The following FBXO25 variants were observed in gnomAD, a reference collection of about 807,000 sequenced individuals.
FBXO25 encodes F-box only protein 25.
In FBXO25, 45 loss-of-function variants were observed where a neutral mutation model predicts 51.9. That is an observed-to-expected ratio of 0.87 (90% CI 0.68 to 1.11). The LOEUF (loss-of-function observed/expected upper bound fraction) is 1.11, where lower values mean the gene tolerates loss of function less well. Among genes scored for constraint, FBXO25 ranks in the 50% most tolerant of loss-of-function variants. FBXO25 has a pLI of 0.00. For synonymous variants in FBXO25, 199 were observed against 151.0 expected (o/e 1.32, Z -2.33); for missense variants, 507 against 428.5 (o/e 1.18, Z -1.62).
rs1184117816 is a variant in FBXO25 at position 473,681 on chromosome 8, G to C, written c.*4877G>C. 1 of 152,156 alleles carries C rather than the reference G, an allele frequency of 6.6e-6. No individual in the cohort carries two copies. Among genetic ancestry groups the C allele is most frequent in the East Asian group, 1.9e-4 (1 of 5,166 alleles). 9.4% of individuals were successfully genotyped at this position (152,156 alleles called of 1,614,324 possible). On this transcript the variant is annotated 3_prime_UTR_variant, in exon 10 of 10. Transcript: ENST00000350302. ...CTGGTGCCACAGGGGTCCTGGGCTG[G>C]CTCTTGGACCATAACCAGCGTTCAC...
At chr8:468,026 C>T (rs541880905) in intron 9 of FBXO25, 2 of 1,297,582 alleles carry the variant, frequency 1.5e-6, no homozygotes, top group Non-Finnish European at 2.0e-6. Flanking sequence ...GGTTTGGCAG[C>T]ACTGCCAGGG....
chr8:442,289 T>TA (rs1054867298), intron 5 of FBXO25, among the ~76,000 whole-genome samples: 4 of 78,924 alleles, frequency 5.1e-5, no homozygotes, highest in South Asian at 3.0e-4. Flanking sequence ...CTCCAATTAT[T>TA]TTTTTTTTTT....
intron 7 of FBXO25, 86 bp from the exon 8 acceptor site, chr8:458,283 C>G: frequency 7.0e-7 from 1 of 1,427,346 alleles, no homozygotes; most frequent in Non-Finnish European, 9.7e-7. Context: ...TGTTTTGAAG[C>G]ATTCATTCCA....
At position 469,219 on chromosome 8, in the gene FBXO25, T is replaced by G. The variant is rs1800389674; in HGVS notation, c.*415T>G. On this transcript the variant is annotated 3_prime_UTR_variant, in exon 10 of 10. Transcript: ENST00000350302. Reference sequence around the variant, plus strand: ...TGGGTTACAAAACATTTGATCCTTGTAAATACATTGTACAGAATATTTATT... The same window carrying G: ...TGGGTTACAAAACATTTGATCCTTGGAAATACATTGTACAGAATATTTATT... 1 of 162,080 alleles carries G rather than the reference T, an allele frequency of 6.2e-6. No homozygotes were observed. The highest frequency in any genetic ancestry group is 6.3e-5 in the Admixed American group (1 of 15,892). 10.0% of individuals were successfully genotyped at this position (162,080 alleles called of 1,614,324 possible).
intron 2 of FBXO25, among the ~76,000 whole-genome samples, chr8:421,282 C>T (rs938965376): frequency 1.3e-5 from 2 of 152,210 alleles, no homozygotes; most frequent in African/African-American, 4.8e-5. Context: ...CCCCTCCTCG[C>T]CCCAGTCTGT....
At position 437,357 on chromosome 8, in the gene FBXO25, A is replaced by G. The variant is rs532482508; in HGVS notation, c.381+1650A>G. Reference sequence around the variant, plus strand: ...GAGCGAGGGAACTGGTGAGCTCAGGAAGCAAAAGGGCTGCAGTGTTGCATG... The same window carrying G: ...GAGCGAGGGAACTGGTGAGCTCAGGGAGCAAAAGGGCTGCAGTGTTGCATG... On this transcript the variant is annotated intron_variant, in intron 5 of 9. Coordinates refer to ENST00000350302, the MANE Select transcript of FBXO25 (RefSeq NM_183420.2). 7.2e-4 allele frequency among the ~76,000 whole-genome samples: 109 copies of G among 152,318 alleles called. 2 individuals are homozygous for G. In the Middle Eastern group the frequency reaches 0.01, roughly 14 times the overall value.
chr8:456,310 G>C (rs1401244928), intron 7 of FBXO25, among the ~76,000 whole-genome samples: 1 of 152,154 alleles, frequency 6.6e-6, no homozygotes, highest in East Asian at 1.9e-4. Flanking sequence ...CCTGGGCTCA[G>C]GTGATCCTCC....
rs1226151606 is a variant in FBXO25, at chr8:474,983, T to A, written c.*6179T>A. ...TTGTTCTTTGATGTACAGAAGTTGT[T>A]TCTTTCTTTTAGTTACCTGTGTGTG... On this transcript the variant is annotated 3_prime_UTR_variant, in exon 10 of 10. Transcript: ENST00000350302. 8 of 399,592 alleles carry A rather than the reference T, an allele frequency of 2.0e-5. No individual in the cohort carries two copies. The East Asian group carries it at 4.9e-4, about 25-fold the overall frequency. The allele number at this position is 399,592 out of a possible 1,614,324, so 24.8% of individuals were successfully genotyped here.
chr8:420,627 C>T (rs1353441443), intron 2 of FBXO25, among the ~76,000 whole-genome samples: 3 of 152,206 alleles, frequency 2.0e-5, no homozygotes, highest in Non-Finnish European at 4.4e-5. Flanking sequence ...TATTAATTCG[C>T]ACAACATGGA....
At chr8:454,336 C>T (rs1799278781) in intron 7 of FBXO25, among the ~76,000 whole-genome samples, 1 of 152,222 alleles carries the variant, frequency 6.6e-6, no homozygotes, top group South Asian at 2.1e-4. Flanking sequence ...CTCTGTGACT[C>T]AGTGAGAGCA....
At position 428,432 on chromosome 8, in the gene FBXO25, G is replaced by A. The variant is rs1339310782; in HGVS notation, c.135-2909G>A. Among the ~76,000 whole-genome samples the A allele has an allele frequency of 4.3e-5, 6 of 138,344 alleles. No individual in the cohort carries two copies. The South Asian group carries it at 6.9e-4, about 16-fold the overall frequency. 90.8% of individuals were successfully genotyped at this position (138,344 alleles called of 152,430 possible). A position where few individuals can be genotyped will look rare whatever the true frequency, so the allele number is the denominator to read the frequency against. ...CTATTCTTTGTTTTTAACACTTCCC[G>A]CCCCCACCCCATCCCTCGGACATGC... On this transcript the variant is annotated intron_variant, in intron 2 of 9. Transcript: ENST00000350302.
In FBXO25 at chr8:476,198, C is replaced by T. The variant is rs1175806753; in HGVS notation, c.*7394C>T. 6.6e-6 allele frequency: 1 copy of T among 152,116 alleles called. No individual in the cohort carries two copies. The highest frequency in any genetic ancestry group is 1.5e-5 in the Non-Finnish European group (1 of 68,032). The allele number at this position is 152,116 out of a possible 1,614,324, so 9.4% of individuals were successfully genotyped here. A position where few individuals can be genotyped will look rare whatever the true frequency, so the allele number is the denominator to read the frequency against. ...ACTTGAGCATGTTGAAACATCTTTG[C>T]ATACCAGCTGTAAATCTTACTTGGC... On this transcript the variant is annotated 3_prime_UTR_variant, in exon 10 of 10. Transcript: ENST00000350302.
In FBXO25 at chr8:458,373, T is replaced by G; in HGVS notation, c.665T>G (p.Val222Gly). 6.2e-7 allele frequency: 1 copy of G among 1,612,504 alleles called. No individual in the cohort carries two copies. The highest frequency in any genetic ancestry group is 8.5e-7 in the Non-Finnish European group (1 of 1,179,378). ...QLQDLQMTKQ[V>G]NNGLTLSDLP... The stretch of plus-strand genomic sequence containing the variant: ...GCTGTTGTGTTTTCCTTTCAGCAAG[T>G]GAACAATGGCCTCACCCTCAGTGAC... The change falls in exon 8 of 10, where the codon GTG becomes GGG. Residue 222 changes from valine to glycine, a missense_variant. By Grantham distance (109) the Val-to-Gly change is moderately radical (BLOSUM62 -3). Transcript: ENST00000350302.
intron 2 of FBXO25, among the ~76,000 whole-genome samples, chr8:430,204 G>A (rs182812216): frequency 2.5e-4 from 38 of 152,324 alleles, no homozygotes; most frequent in African/African-American, 8.9e-4. Flanking sequence ...AACCGTTATA[G>A]ATTCTAAAGC....
intron 7 of FBXO25, among the ~76,000 whole-genome samples, chr8:453,693 C>T (rs1302547285): frequency 1.3e-5 from 2 of 152,120 alleles, no homozygotes; most frequent in African/African-American, 2.4e-5. Flanking sequence ...AGCTGAGAGC[C>T]TTCCCGGATC....
chr8:455,025 A>G (rs776778676), intron 7 of FBXO25, among the ~76,000 whole-genome samples: 1 of 152,096 alleles, frequency 6.6e-6, no homozygotes, highest in Non-Finnish European at 1.5e-5. Context: ...TCCCACTATG[A>G]CTGACTTCAA....
In FBXO25 at chr8:471,174, C is replaced by G. The variant is rs192073382; in HGVS notation, c.*2370C>G. ...TCCACAGGCCATGGACACAGCTAGC[C>G]GCATTGCCACTGCATGGGTCACAGC... On this transcript the variant is annotated 3_prime_UTR_variant, in exon 10 of 10. Transcript: ENST00000350302. 6.6e-6 allele frequency: 1 copy of G among 152,296 alleles called. No homozygotes were observed. The highest frequency in any genetic ancestry group is 2.1e-4 in the South Asian group (1 of 4,824). The allele number at this position is 152,296 out of a possible 1,614,324, so 9.4% of individuals were successfully genotyped here. A position where few individuals can be genotyped will look rare whatever the true frequency, so the allele number is the denominator to read the frequency against.
intron 5 of FBXO25, among the ~76,000 whole-genome samples, chr8:443,867 T>C (rs2116672835): frequency 6.6e-6 from 1 of 152,242 alleles, no homozygotes; most frequent in South Asian, 2.1e-4. Flanking sequence ...TAAAATTAGA[T>C]AATCAAAGTT....
chr8:424,772 G>A (rs1303272656), intron 2 of FBXO25, among the ~76,000 whole-genome samples: 2 of 152,168 alleles, frequency 1.3e-5, no homozygotes, highest in Admixed American at 1.3e-4. Flanking sequence ...GGGCTTTATA[G>A]TATAGTTTGA....
Sources: gnomAD v4.1 joint callset for allele counts (sites outside exome capture counted in the v4.1 genomes callset) on GRCh38, gnomAD v4.1.1 for gene constraint, MANE v1.5 for transcripts, NCBI Gene and HGNC (gene_info 2026-07-23, HGNC 2026-07-21) for gene names.